The following ADGRB3 variants were observed in gnomAD, a reference collection of about 807,000 sequenced individuals.
The protein encoded by ADGRB3 is adhesion G protein-coupled receptor B3, also known as brain-specific angiogenesis inhibitor 3.
A neutral mutation model predicts 193.4 loss-of-function variants in ADGRB3; 37 were observed. The ratio of observed to expected loss-of-function variants is 0.19; its 90% confidence interval spans 0.15 to 0.25. ADGRB3 has a LOEUF of 0.25. ADGRB3 is among the 10% of genes least tolerant of loss of function. The pLI is 1.00. For synonymous variants in ADGRB3, 690 were observed against 644.2 expected (o/e 1.07, Z -1.08); for missense variants, 1,637 against 1,852.9 (o/e 0.88, Z 2.14).
At chr6:68,689,568 T>G (rs1163488101) in intron 3 of ADGRB3, among the ~76,000 whole-genome samples, 2 of 152,120 alleles carry the variant, frequency 1.3e-5, no homozygotes, top group Non-Finnish European at 2.9e-5. Context: ...ATTATGAGAA[T>G]CTCTTTATCA....
chr6:68,960,447 T>C (rs970242409), intron 8 of ADGRB3, among the ~76,000 whole-genome samples: 4 of 152,178 alleles, frequency 2.6e-5, no homozygotes, highest in African/African-American at 9.7e-5. Context: ...TCTTGAACAC[T>C]GTAATACACT....
chr6:69,083,272 A>G (rs1332808240), intron 17 of ADGRB3, among the ~76,000 whole-genome samples: 3 of 152,084 alleles, frequency 2.0e-5, no homozygotes, highest in African/African-American at 7.2e-5. Context: ...ATTTTGTAGC[A>G]ATTTGATATT....
intron 3 of ADGRB3, among the ~76,000 whole-genome samples, chr6:68,750,361 G>A (rs1158172601): frequency 6.6e-6 from 1 of 152,014 alleles, no homozygotes; most frequent in African/African-American, 2.4e-5. Flanking sequence ...TCAGAAAAGG[G>A]CTAATCAAAA....
chr6:68,929,220 T>C (rs1167921935), intron 3 of ADGRB3, among the ~76,000 whole-genome samples: 1 of 152,170 alleles, frequency 6.6e-6, no homozygotes, highest in Non-Finnish European at 1.5e-5. Context: ...TTTTAAAATA[T>C]ATTACATAGA....
At chr6:69,019,371 T>C (rs1313160008) in intron 13 of ADGRB3, among the ~76,000 whole-genome samples, 1 of 152,006 alleles carries the variant, frequency 6.6e-6, no homozygotes, top group Non-Finnish European at 1.5e-5. Flanking sequence ...TATGCTTTAG[T>C]TTCTGGATTA....
intron 17 of ADGRB3, among the ~76,000 whole-genome samples, chr6:69,198,315 T>C (rs1160103389): frequency 6.6e-6 from 1 of 151,944 alleles, no homozygotes. Flanking sequence ...TGCAGGGTGA[T>C]GGTAATAAAG....
At chr6:69,124,062 C>T (rs1483417283) in intron 17 of ADGRB3, among the ~76,000 whole-genome samples, 1 of 151,270 alleles carries the variant, frequency 6.6e-6, no homozygotes, top group Non-Finnish European at 1.5e-5. Flanking sequence ...GCATCATTGA[C>T]CCCAACCATG....
chr6:68,868,384 G>C (rs1216856787), intron 3 of ADGRB3, among the ~76,000 whole-genome samples: 1 of 152,134 alleles, frequency 6.6e-6, no homozygotes, highest in Non-Finnish European at 1.5e-5. Flanking sequence ...AAAAGTGTGA[G>C]TCAATTAAAC....
intron 17 of ADGRB3, among the ~76,000 whole-genome samples, chr6:69,134,375 A>G (rs1774094726): frequency 6.6e-6 from 1 of 152,124 alleles, no homozygotes; most frequent in South Asian, 2.1e-4. Context: ...CTGATTGTTT[A>G]CACTGGCCAC....
chr6:69,130,951 A>T (rs1377632392), intron 17 of ADGRB3, among the ~76,000 whole-genome samples: 1 of 152,100 alleles, frequency 6.6e-6, no homozygotes, highest in Non-Finnish European at 1.5e-5. Context: ...TGAAAGACAT[A>T]GGGGTTTTTG....
In ADGRB3 at chr6:69,261,966, C is replaced by T. The variant is rs114290772; in HGVS notation, c.2814+22740C>T. Among the ~76,000 whole-genome samples the T allele has an allele frequency of 3.2e-3, 494 of 152,080 alleles. 1 individual carries two copies. The highest frequency in any genetic ancestry group is 0.011 in the African/African-American group (467 of 41,540). ...AGGGTCTGTCTTTATTAACAGGTTA[C>T]AAGCATAATCAACATTAGCATGCTT... On this transcript the variant is annotated intron_variant, in intron 20 of 31. Transcript: ENST00000370598.
chr6:69,320,605 G>A (rs943924328), intron 20 of ADGRB3, among the ~76,000 whole-genome samples: 1 of 151,530 alleles, frequency 6.6e-6, no homozygotes. Flanking sequence ...GCTTGGCTGG[G>A]TGTAGAATTC....
At chr6:68,697,943 C>A (rs1466326106) in intron 3 of ADGRB3, among the ~76,000 whole-genome samples, 1 of 151,084 alleles carries the variant, frequency 6.6e-6, no homozygotes, top group African/African-American at 2.4e-5. Context: ...TTAATAATAT[C>A]TTTTATTTGG....
intron 11 of ADGRB3, among the ~76,000 whole-genome samples, chr6:68,994,396 G>A (rs905336566): frequency 1.3e-5 from 2 of 152,026 alleles, no homozygotes; most frequent in Non-Finnish European, 2.9e-5. Flanking sequence ...TATTAGTGGG[G>A]GAAAAACATA....
chr6:69,305,475 G>A (rs997007449), intron 20 of ADGRB3, among the ~76,000 whole-genome samples: 1 of 151,498 alleles, frequency 6.6e-6, no homozygotes, highest in Middle Eastern at 3.2e-3. Context: ...TGCTATGAAG[G>A]AGATAATCCT....
intron 20 of ADGRB3, among the ~76,000 whole-genome samples, chr6:69,295,109 A>C (rs1767782092): frequency 6.6e-6 from 1 of 152,254 alleles, no homozygotes; most frequent in African/African-American, 2.4e-5. Context: ...AAGGTAATCA[A>C]CTTTACTGCC....
At chr6:69,077,868 A>G (rs997968258) in intron 17 of ADGRB3, among the ~76,000 whole-genome samples, 3 of 152,004 alleles carry the variant, frequency 2.0e-5, no homozygotes, top group African/African-American at 4.8e-5. Context: ...AAAAGTGATC[A>G]AAAACCTTCC....
intron 30 of ADGRB3, among the ~76,000 whole-genome samples, chr6:69,375,285 G>C (rs1769791681): frequency 6.6e-6 from 1 of 152,216 alleles, no homozygotes; most frequent in Middle Eastern, 3.4e-3. Context: ...TTAAAAAGAT[G>C]AGGATAGATT....
At chr6:68,843,800 G>A (rs1562052934) in intron 3 of ADGRB3, among the ~76,000 whole-genome samples, 1 of 152,086 alleles carries the variant, frequency 6.6e-6, no homozygotes, top group Admixed American at 6.5e-5. Context: ...AACCAAAACA[G>A]CATGGTGCTC....
Sources: allele counts gnomAD v4.1 joint callset (sites outside exome capture counted in the v4.1 genomes callset), GRCh38; gene constraint gnomAD v4.1.1; transcripts MANE v1.5; gene names NCBI Gene and HGNC (gene_info 2026-07-23, HGNC 2026-07-21).